HELLS: variants seen among roughly 807,000 people sequenced by gnomAD.
The protein encoded by HELLS is helicase, lymphoid specific.
In HELLS, 32 loss-of-function variants were observed where a neutral mutation model predicts 120.0. That is an observed-to-expected ratio of 0.27 (90% CI 0.20 to 0.36). HELLS has a LOEUF of 0.36. Ranked by LOEUF, HELLS falls within the 10% of genes least tolerant of loss-of-function variation. The probability of loss-of-function intolerance (pLI) is 1.00; values close to 1 mark genes in which losing one functional copy is unlikely to be tolerated. For synonymous variants in HELLS, 341 were observed against 323.4 expected (o/e 1.05, Z -0.58); for missense variants, 650 against 993.4 (o/e 0.65, Z 4.65).
chr10:94,575,098 A>ATTTT (rs570447113), intron 9 of HELLS, among the ~76,000 whole-genome samples: 29 of 121,786 alleles, frequency 2.4e-4, no homozygotes, highest in African/African-American at 6.2e-4. Context: ...ACCTTCTGCA[A>ATTTT]TTTTTTTTTT....
At chr10:94,589,401 A>G (rs945078705) in intron 13 of HELLS, among the ~76,000 whole-genome samples, 3 of 152,168 alleles carry the variant, frequency 2.0e-5, no homozygotes, top group African/African-American at 7.2e-5. Context: ...GAGCATTTGT[A>G]TTTTCCCGTT....
At chr10:94,584,099 T>G (rs2134086788) in intron 12 of HELLS, 1 of 1,384,334 alleles carries the variant, frequency 7.2e-7, no homozygotes, top group Non-Finnish European at 9.5e-7. Flanking sequence ...AAATACTTAT[T>G]TACTCAAGCT....
At chr10:94,558,327 A>T (rs1423774920) in intron 4 of HELLS, 132 bp downstream of exon 4, 1 of 1,104,340 alleles carries the variant, frequency 9.1e-7, no homozygotes, top group African/African-American at 1.6e-5. Context: ...TGTTACAAGC[A>T]ATGCAGAAAC....
At position 94,576,710 on chromosome 10, in the gene HELLS, G is replaced by C. The variant is rs754419257; in HGVS notation, c.937G>C (p.Val313Leu). ...AACCCAGGAGGAACGTCAAAAATTG[G>C]TAAGAAATATTTACAAACGGAAAGG... is the stretch of plus-strand genomic sequence containing the variant. ...HGTQEERQKL[V>L]RNIYKRKGTL... The change falls in exon 10 of 22, where the codon GTA becomes CTA. Residue 313 changes from valine (V) to leucine (L), a missense_variant. Around this residue, in one of 9 missense-constraint regions of HELLS, gnomAD observed 61 missense variants for 86.5 expected, o/e 0.71. Transcript: ENST00000348459. 2.5e-6 allele frequency: 4 copies of C among 1,610,474 alleles called. No individual in the cohort carries two copies. Among genetic ancestry groups the C allele is most frequent in the Admixed American group, 3.3e-5 (2 of 59,924 alleles).
exon 10 of HELLS, chr10:94,610,725 A>T (rs1221925441): frequency 6.6e-6 from 1 of 152,142 alleles, no homozygotes; most frequent in Non-Finnish European, 1.5e-5. Flanking sequence ...AGTAGCTGGG[A>T]TTACAGGCTC....
At chr10:94,585,904 T>G (rs1845119571) in intron 12 of HELLS, among the ~76,000 whole-genome samples, 1 of 152,030 alleles carries the variant, frequency 6.6e-6, no homozygotes, top group South Asian at 2.1e-4. Context: ...GTATAAGTCT[T>G]GTTTTTGTCT....
At position 94,546,510 on chromosome 10, in the gene HELLS, A is replaced by G. The variant is rs899241934; in HGVS notation, c.153+12A>G. 5 of 1,613,694 alleles carry G rather than the reference A, an allele frequency of 3.1e-6. No homozygotes were observed. The highest frequency in any genetic ancestry group is 3.3e-5 in the Admixed American group (2 of 60,000). On this transcript the variant is annotated intron_variant, in intron 2 of 21. Transcript: ENST00000348459. ...AGATGCTGGAAAAGGTAATTTAGGC[A>G]TCAGGTTCGTCGTCGTGAAAGCCTG...
chr10:94,608,784 A>G (rs1346082305), intron 9 of HELLS, among the ~76,000 whole-genome samples: 3 of 151,986 alleles, frequency 2.0e-5, no homozygotes, highest in African/African-American at 7.2e-5. Flanking sequence ...CTCCTGGCTA[A>G]TTTTTAAATT....
chr10:94,596,992 C>T (rs767240036), intron 20 of HELLS, 36 bp downstream of exon 20: 1 of 1,465,512 alleles, frequency 6.8e-7, no homozygotes, highest in Non-Finnish European at 9.5e-7. Context: ...TAATTTGTAG[C>T]TTTGAATTAT....
chr10:94,598,674 CACTT>C (rs1031797640), intron 21 of HELLS, among the ~76,000 whole-genome samples: 16 of 148,070 alleles, frequency 1.1e-4, no homozygotes, highest in African/African-American at 3.5e-4. Context: ...CCTGTCTCTT[CACTT>C]ACTTACTTAG....
intron 10 of HELLS, among the ~76,000 whole-genome samples, chr10:94,578,444 C>T (rs1470533193): frequency 6.6e-6 from 1 of 152,004 alleles, no homozygotes; most frequent in African/African-American, 2.4e-5. Context: ...CCCCTGTAAT[C>T]CCAGCACTTT....
chr10:94,581,706 T>TA (rs1211846476), intron 11 of HELLS, among the ~76,000 whole-genome samples, 184 bp downstream of exon 11: 5 of 152,232 alleles, frequency 3.3e-5, no homozygotes, highest in Non-Finnish European at 7.3e-5. Flanking sequence ...ATTTAAAACT[T>TA]ACTTGCATTG....
chr10:94,574,592 T>C lies in HELLS; in HGVS notation c.744T>C (p.Asp248=), dbSNP rs767069375. ...ATGGAATTAATGGCATTTTAGCAGA[T>C]GAAATGGGATTGGGTAAGACAGTTC... ...WENGINGILA[D]EMGLGKTVQC... Residue 248 remains aspartate (D), a synonymous_variant, in exon 9 of 22, where the codon GAT becomes GAC. Coordinates refer to ENST00000348459, the MANE Select transcript of HELLS (RefSeq NM_018063.5). The C allele has an allele frequency of 9.3e-6, 15 of 1,613,770 alleles. No individual in the cohort carries two copies. Among genetic ancestry groups the C allele is most frequent in the Non-Finnish European group, 1.2e-5 (14 of 1,179,754 alleles).
At chr10:94,604,541 G>T (rs1846106137), downstream of HELLS, among the ~76,000 whole-genome samples, 1 of 149,480 alleles carries the variant, frequency 6.7e-6, no homozygotes, top group Admixed American at 6.8e-5. Context: ...GATGCCTTGG[G>T]ATCATTTACT....
intron 10 of HELLS, 39 bp downstream of exon 10, chr10:94,576,844 A>C: frequency 6.5e-7 from 1 of 1,527,632 alleles, no homozygotes; most frequent in Non-Finnish European, 8.8e-7. Context: ...TAATACATAA[A>C]ACATGCTTTT....
At chr10:94,589,547 G>A (rs1589755159) in intron 13 of HELLS, among the ~76,000 whole-genome samples, 1 of 152,276 alleles carries the variant, frequency 6.6e-6, no homozygotes, top group Non-Finnish European at 1.5e-5. Context: ...TCATGTAACT[G>A]AAGGAGACCC....
chr10:94,558,236 A>G (rs1843361882), intron 4 of HELLS, 41 bp downstream of exon 4: 1 of 1,524,206 alleles, frequency 6.6e-7, no homozygotes, highest in Non-Finnish European at 8.8e-7. Context: ...TCATTTAAAT[A>G]TTGAAGAAAT....
At chr10:94,567,123 A>G (rs1429748288) in intron 6 of HELLS, among the ~76,000 whole-genome samples, 1 of 152,152 alleles carries the variant, frequency 6.6e-6, no homozygotes, top group Admixed American at 6.6e-5. Flanking sequence ...GGTATAACCC[A>G]ATTGAGTGTT....
In HELLS at chr10:94,588,406, A is replaced by G; in HGVS notation, c.1488+16A>G. On this transcript the variant is annotated intron_variant, in intron 13 of 21. Transcript: ENST00000348459. ...ATCCAGTGAGGTATAGTGGTTTTGA[A>G]ATGTACTGTAAATGAAACTTGACAT... The G allele has an allele frequency of 6.6e-7, 1 of 1,513,868 alleles. No homozygotes were observed. The highest frequency in any genetic ancestry group is 1.3e-5 in the South Asian group (1 of 77,316). The allele number at this position is 1,513,868 out of a possible 1,614,324, so 93.8% of individuals were successfully genotyped here.
Sources: allele counts gnomAD v4.1 joint callset (sites outside exome capture counted in the v4.1 genomes callset), GRCh38; gene constraint gnomAD v4.1.1; regional missense constraint gnomAD v4.1.1; transcripts MANE v1.5; gene names NCBI Gene and HGNC (gene_info 2026-07-23, HGNC 2026-07-21).